Variants in EEF1AKMT1 observed in about 807,000 individuals in gnomAD.
The protein encoded by EEF1AKMT1 is N-6 adenine-specific DNA methyltransferase 2 (putative).
Under a neutral mutation model 21.0 loss-of-function variants are expected in EEF1AKMT1, and 18 were observed. The observed-to-expected ratio is 0.86, with a 90% CI of 0.59 to 1.27. The LOEUF (loss-of-function observed/expected upper bound fraction) is 1.27, where lower values mean the gene tolerates loss of function less well. EEF1AKMT1 is among the 50% of genes most tolerant of loss of function. EEF1AKMT1 has a pLI of 0.00. For synonymous variants in EEF1AKMT1, 109 were observed against 94.8 expected, an observed-to-expected ratio of 1.15 and a Z score of -0.87; for missense variants, 246 against 258.6, an observed-to-expected ratio of 0.95 and a Z score of 0.33.
intron 2 of EEF1AKMT1, among the ~76,000 whole-genome samples, chr13:20,743,690 T>C (rs2058885957): frequency 6.6e-6 from 1 of 151,788 alleles, no homozygotes; most frequent in Admixed American, 6.6e-5. Context: ...ATTTTTATTT[T>C]ACTTTAAGTT....
intron 1 of EEF1AKMT1, among the ~76,000 whole-genome samples, chr13:20,759,016 T>C (rs1400830583): frequency 6.6e-6 from 1 of 152,134 alleles, no homozygotes; most frequent in East Asian, 1.9e-4. Context: ...ATAGAAACAT[T>C]AACTCAAGAT....
intron 2 of EEF1AKMT1, among the ~76,000 whole-genome samples, chr13:20,756,915 G>C (rs969857262): frequency 6.6e-6 from 1 of 152,112 alleles, no homozygotes; most frequent in Non-Finnish European, 1.5e-5. Flanking sequence ...CAACCACATG[G>C]GGTAACCATC....
chr13:20,759,991 G>C (rs1054502952), intron 1 of EEF1AKMT1, among the ~76,000 whole-genome samples: 2 of 151,092 alleles, frequency 1.3e-5, no homozygotes, highest in Non-Finnish European at 2.9e-5. Context: ...TGTAGTCCCA[G>C]CTACTCGGGA....
intron 2 of EEF1AKMT1, among the ~76,000 whole-genome samples, chr13:20,739,268 CCAAA>C (rs1173519754): frequency 6.6e-6 from 1 of 152,126 alleles, no homozygotes; most frequent in Non-Finnish European, 1.5e-5. Flanking sequence ...CAACGCAGAC[CCAAA>C]CAGTGAGCAG....
At chr13:20,731,633 G>A (rs1407698627) in intron 4 of EEF1AKMT1, among the ~76,000 whole-genome samples, 1 of 152,150 alleles carries the variant, frequency 6.6e-6, no homozygotes, top group Non-Finnish European at 1.5e-5. Context: ...CCCAGTGTTG[G>A]GTACTTTGTG....
chr13:20,764,431 A>G (rs1408584564), intron 1 of EEF1AKMT1, among the ~76,000 whole-genome samples: 1 of 152,344 alleles, frequency 6.6e-6, no homozygotes, highest in East Asian at 1.9e-4. Flanking sequence ...GATATGGTCT[A>G]TGTTGGTGAA....
chr13:20,772,136 T>C (rs2141444477), intron 1 of EEF1AKMT1, among the ~76,000 whole-genome samples: 1 of 152,264 alleles, frequency 6.6e-6, no homozygotes, highest in South Asian at 2.1e-4. Context: ...CCAAAAGAGC[T>C]GGGAAGTACT....
intron 2 of EEF1AKMT1, among the ~76,000 whole-genome samples, chr13:20,739,063 G>C (rs1666814933): frequency 1.3e-5 from 2 of 152,084 alleles, no homozygotes; most frequent in Admixed American, 1.3e-4. Flanking sequence ...CCTCCTGGGG[G>C]GGTCGTGGTC....
At chr13:20,748,250 A>G (rs2058918713) in intron 2 of EEF1AKMT1, among the ~76,000 whole-genome samples, 1 of 152,150 alleles carries the variant, frequency 6.6e-6, no homozygotes, top group Non-Finnish European at 1.5e-5. Flanking sequence ...TCTGGCTAAC[A>G]TGGTGAAACC....
chr13:20,732,182 ACTT>A (rs2058801689), intron 3 of EEF1AKMT1, 61 bp from the exon 4 acceptor site: 1 of 1,517,706 alleles, frequency 6.6e-7, no homozygotes, highest in Non-Finnish European at 8.9e-7. Flanking sequence ...GGTGTTAACA[ACTT>A]CTTCACTAAA....
At chr13:20,764,965 T>TA (rs1328535653) in intron 1 of EEF1AKMT1, among the ~76,000 whole-genome samples, 20 of 147,288 alleles carry the variant, frequency 1.4e-4, no homozygotes, top group Non-Finnish European at 2.3e-4. Context: ...AGTTTTCGTC[T>TA]AAAAAAAAAA....
chr13:20,769,490 CT>C (rs1463997790), intron 1 of EEF1AKMT1: 2 of 152,168 alleles, frequency 1.3e-5, no homozygotes, highest in East Asian at 3.8e-4. Flanking sequence ...AGCCAGATAT[CT>C]AAGGACTGAG....
intron 2 of EEF1AKMT1, among the ~76,000 whole-genome samples, chr13:20,748,487 T>G (rs1012577818): frequency 4.0e-5 from 6 of 151,278 alleles, no homozygotes; most frequent in African/African-American, 7.3e-5. Flanking sequence ...AAAACAATAG[T>G]CTTCTATCCC....
At chr13:20,741,369 C>G (rs893929644) in intron 2 of EEF1AKMT1, among the ~76,000 whole-genome samples, 1 of 151,976 alleles carries the variant, frequency 6.6e-6, no homozygotes, top group African/African-American at 2.4e-5. Flanking sequence ...CATCTTACAC[C>G]CACTTTCTTT....
chr13:20,756,083 C>A (rs967159413), intron 2 of EEF1AKMT1, among the ~76,000 whole-genome samples: 2 of 152,040 alleles, frequency 1.3e-5, no homozygotes, highest in Non-Finnish European at 2.9e-5. Context: ...CAGTTAGTTT[C>A]AAACAGGGTA....
At chr13:20,737,545 G>C (rs2058833172) in intron 3 of EEF1AKMT1, among the ~76,000 whole-genome samples, 178 bp downstream of exon 3, 1 of 152,152 alleles carries the variant, frequency 6.6e-6, no homozygotes, top group Non-Finnish European at 1.5e-5. Context: ...CAATGAATAG[G>C]TTTCTGAGTG....
intron 2 of EEF1AKMT1, among the ~76,000 whole-genome samples, chr13:20,753,404 C>G (rs975113758): frequency 1.3e-5 from 2 of 152,194 alleles, no homozygotes; most frequent in African/African-American, 4.8e-5. Context: ...AATGCATATT[C>G]TGTAGCTGTT....
At chr13:20,764,493 G>A (rs1231936683) in intron 1 of EEF1AKMT1, among the ~76,000 whole-genome samples, 1 of 152,100 alleles carries the variant, frequency 6.6e-6, no homozygotes, top group Non-Finnish European at 1.5e-5. Flanking sequence ...GTTGGGTGAA[G>A]GTTATATAAA....
chr13:20,735,192 G>C (rs1026637853), intron 3 of EEF1AKMT1, among the ~76,000 whole-genome samples: 4 of 152,192 alleles, frequency 2.6e-5, no homozygotes, highest in African/African-American at 9.7e-5. Context: ...GCATACCCGA[G>C]GGCTCAGGAT....
Sources: allele counts gnomAD v4.1 joint callset (sites outside exome capture counted in the v4.1 genomes callset), GRCh38; gene constraint gnomAD v4.1.1; transcripts MANE v1.5; gene names NCBI Gene and HGNC (gene_info 2026-07-23, HGNC 2026-07-21).